Variants in FCRL6 observed in about 807,000 individuals in gnomAD.
The protein encoded by FCRL6 is Fc receptor-like protein 6.
Under a neutral mutation model 49.1 loss-of-function variants are expected in FCRL6, and 50 were observed. That is an observed-to-expected ratio of 1.02 (90% CI 0.81 to 1.29). The LOEUF is 1.29. Among genes scored for constraint, FCRL6 ranks in the 50% most tolerant of loss-of-function variants. The pLI is 0.00. For synonymous variants in FCRL6, 213 were observed against 199.6 expected (o/e 1.07, Z -0.57); for missense variants, 571 against 518.5 (o/e 1.10, Z -0.98).
At chr1:159,815,251 T>C (rs1273877364) in intron 8 of FCRL6, among the ~76,000 whole-genome samples, 177 bp from the exon 9 acceptor site, 2 of 152,178 alleles carry the variant, frequency 1.3e-5, no homozygotes, top group Non-Finnish European at 2.9e-5. Flanking sequence ...TGGTGTGTAG[T>C]CCAGCTGGAA....
In FCRL6 at chr1:159,809,271, C is replaced by A. The variant is rs1459905383; in HGVS notation, c.604+26C>A. 6 of 1,528,222 alleles carry A rather than the reference C, an allele frequency of 3.9e-6. No homozygotes were observed. In the South Asian group the frequency reaches 6.6e-5, roughly 17 times the overall value. The allele number at this position is 1,528,222 out of a possible 1,614,324, so 94.7% of individuals were successfully genotyped here. On this transcript the variant is annotated intron_variant, in intron 4 of 9. Coordinates refer to ENST00000368106, the MANE Select transcript of FCRL6 (RefSeq NM_001004310.3). ...GTAAGTGCGCGAGAGAGTGGAGATG[C>A]CCCCAGGGCCCTGGGCGTCAGGCAG...
At chr1:159,808,058 A>G (rs11585055) in intron 2 of FCRL6, 120 bp from the exon 3 acceptor site, 49,216 of 1,090,574 alleles carry the variant, frequency 0.045, 1,963 homozygotes, top group African/African-American at 0.2. Flanking sequence ...CAGTGACACC[A>G]TACCAGTGCC....
upstream of FCRL6, chr1:159,800,682 A>G: frequency 7.1e-7 from 1 of 1,403,968 alleles, no homozygotes; most frequent in Non-Finnish European, 9.9e-7. Context: ...TAAACAACTG[A>G]GTCACCGAAA....
chr1:159,808,827 G>A (rs893553906), intron 3 of FCRL6, 134 bp from the exon 4 acceptor site: 9 of 854,506 alleles, frequency 1.1e-5, no homozygotes, highest in African/African-American at 6.9e-5. Context: ...AAGAGGACGG[G>A]TCCTAGGGAT....
At chr1:159,813,401 C>T (rs865814497) in intron 6 of FCRL6, 88 bp from the exon 7 acceptor site, 5 of 1,200,004 alleles carry the variant, frequency 4.2e-6, no homozygotes, top group Middle Eastern at 1.9e-4. Context: ...CAGCGGCCTC[C>T]TTGTCATTCT....
chr1:159,813,601 G>C (rs755242766), intron 7 of FCRL6, 47 bp downstream of exon 7: 3 of 1,553,404 alleles, frequency 1.9e-6, no homozygotes, highest in Non-Finnish European at 2.7e-6. Context: ...GGGCCAAAAA[G>C]AGCTTCTTAA....
chr1:159,804,355 T>C (rs1222883167), intron 1 of FCRL6, among the ~76,000 whole-genome samples: 1 of 152,256 alleles, frequency 6.6e-6, no homozygotes, highest in Non-Finnish European at 1.5e-5. Context: ...AAGTATTTTG[T>C]GTCTTTCCTC....
At chr1:159,815,317 G>A in intron 8 of FCRL6, 111 bp from the exon 9 acceptor site, 2 of 1,169,978 alleles carry the variant, frequency 1.7e-6, no homozygotes, top group Non-Finnish European at 2.4e-6. Flanking sequence ...AATCTCCCCT[G>A]GCTGGCTTCC....
rs752845746 is a variant in FCRL6, at chr1:159,809,097, C to T, written c.456C>T (p.Asp152=). The change falls in exon 4 of 10, where the codon GAC becomes GAT. Residue 152 remains aspartate, a synonymous_variant. Coordinates refer to ENST00000368106, the MANE Select transcript of FCRL6 (RefSeq NM_001004310.3). ...ALRLLFSFHK[D]GHTLQDRGPH... ...GGCTCCTTTTCTCCTTCCACAAGGA[C>T]GGCCACACCTTGCAGGACAGGGGCC... 58 of 1,613,990 alleles carry T rather than the reference C, an allele frequency of 3.6e-5. No homozygotes were observed. Among genetic ancestry groups the T allele is most frequent in the East Asian group, 1.8e-4 (8 of 44,882 alleles).
At chr1:159,805,160 G>A (rs1381628033) in intron 1 of FCRL6, among the ~76,000 whole-genome samples, 2 of 152,110 alleles carry the variant, frequency 1.3e-5, no homozygotes, top group African/African-American at 4.8e-5. Context: ...GGGTGGAGAT[G>A]GAGGGATGAT....
At chr1:159,809,994 C>T in intron 5 of FCRL6, 100 bp from the exon 6 acceptor site, 1 of 1,418,936 alleles carries the variant, frequency 7.0e-7, no homozygotes, top group Non-Finnish European at 9.5e-7. Flanking sequence ...CCAGACGGTT[C>T]CCCTAATATC....
intron 2 of FCRL6, 122 bp from the exon 3 acceptor site, chr1:159,808,056 C>G: frequency 1.9e-6 from 2 of 1,068,152 alleles, no homozygotes; most frequent in Non-Finnish European, 2.8e-6. Context: ...GACAGTGACA[C>G]CATACCAGTG....
Position 159,809,461 on chromosome 1 carries a change from G to GA in FCRL6, c.665dup (p.Asp222GlufsTer8), listed in dbSNP as rs768524330. On this transcript the variant is annotated frameshift_variant, in exon 5 of 10. Coordinates refer to ENST00000368106, the MANE Select transcript of FCRL6 (RefSeq NM_001004310.3). LOFTEE classifies it high-confidence loss of function. Reference sequence around the variant, plus strand: ...CGGGCCTGCTGACCCTGCTGTGGGGGACATGGTGCAGCTCCTCTGTGAGGC... The same window carrying GA: ...CGGGCCTGCTGACCCTGCTGTGGGGGAACATGGTGCAGCTCCTCTGTGAGGC... 6.2e-7 allele frequency: 1 copy of GA among 1,613,944 alleles called. No individual in the cohort carries two copies. The highest frequency in any genetic ancestry group is 2.2e-5 in the East Asian group (1 of 44,856).
chr1:159,812,880 G>A (rs1190896642), intron 6 of FCRL6, among the ~76,000 whole-genome samples: 6 of 152,194 alleles, frequency 3.9e-5, no homozygotes, highest in Non-Finnish European at 8.8e-5. Context: ...CTGTTCCAGA[G>A]GCAGCATGCT....
At position 159,809,144 on chromosome 1, in the gene FCRL6, C is replaced by G; in HGVS notation, c.503C>G (p.Pro168Arg). The change falls in exon 4 of 10, where the codon CCG (proline) becomes CGG (arginine). Residue 168 changes from proline to arginine, a missense_variant. Coordinates refer to ENST00000368106, the MANE Select transcript of FCRL6 (RefSeq NM_001004310.3). ...GGCCCTCACCCAGAACTCTGCATCCCGGGAGCCAAGGAGGGAGACTCTGGG... is the reference window on the plus strand; with the variant it reads ...GGCCCTCACCCAGAACTCTGCATCCGGGGAGCCAAGGAGGGAGACTCTGGG... Reference protein sequence around the residue: ...DRGPHPELCIPGAKEGDSGLY... With the variant: ...DRGPHPELCIRGAKEGDSGLY... 6.2e-7 allele frequency: 1 copy of G among 1,613,952 alleles called. No homozygotes were observed. Among genetic ancestry groups the G allele is most frequent in the South Asian group, 1.1e-5 (1 of 91,076 alleles).
intron 3 of FCRL6, 84 bp from the exon 4 acceptor site, chr1:159,808,877 G>A (rs961427412): frequency 7.0e-7 from 1 of 1,426,646 alleles, no homozygotes; most frequent in East Asian, 2.3e-5. Flanking sequence ...TGCAGCCTGA[G>A]ATGAGTAGAA....
Position 159,815,799 on chromosome 1 carries a change from G to T in FCRL6, c.*138G>T. The T allele has an allele frequency of 1.9e-6, 2 of 1,061,294 alleles. No individual in the cohort carries two copies. The highest frequency in any genetic ancestry group is 2.4e-5 in the Admixed American group (1 of 41,376). The allele number at this position is 1,061,294 out of a possible 1,614,324, so 65.7% of individuals were successfully genotyped here. On this transcript the variant is annotated 3_prime_UTR_variant, in exon 10 of 10. Coordinates refer to ENST00000368106, the MANE Select transcript of FCRL6 (RefSeq NM_001004310.3). ...ACAGAGCCCCCTGAGCCCTTGTCCT[G>T]GTCAGGAGCACCTGAACCCTGGGTT...
upstream of FCRL6, chr1:159,800,533 C>T (rs57546939): frequency 1.4e-3 from 2,049 of 1,465,878 alleles, 22 homozygotes; most frequent in African/African-American, 0.025. Flanking sequence ...GGACCTGCAG[C>T]TGAACGAAGT....
At chr1:159,808,512 G>A in intron 3 of FCRL6, 68 bp downstream of exon 3, 1 of 1,581,568 alleles carries the variant, frequency 6.3e-7, no homozygotes, top group Non-Finnish European at 8.7e-7. Flanking sequence ...CTAGAGGTCA[G>A]TAGCTCTCTG....
Sources: gnomAD v4.1 joint callset for allele counts (sites outside exome capture counted in the v4.1 genomes callset) on GRCh38, gnomAD v4.1.1 for gene constraint, MANE v1.5 for transcripts, NCBI Gene and HGNC (gene_info 2026-07-23, HGNC 2026-07-21) for gene names.